IGSF22: variants seen among roughly 807,000 people sequenced by gnomAD.
IGSF22 encodes the protein immunoglobulin superfamily member 22.
Under a neutral mutation model 127.0 loss-of-function variants are expected in IGSF22, and 119 were observed. That is an observed-to-expected ratio of 0.94 (90% CI 0.81 to 1.09). The LOEUF (loss-of-function observed/expected upper bound fraction) is 1.09, where lower values mean the gene tolerates loss of function less well. Among genes scored for constraint, IGSF22 ranks in the 50% least tolerant of loss-of-function variants. The pLI is 0.00. For synonymous variants in IGSF22, 568 were observed against 664.7 expected (o/e 0.85, Z 2.24); for missense variants, 1,518 against 1,716.6 (o/e 0.88, Z 2.04).
chr11:18,713,895 A>C lies in IGSF22; in HGVS notation c.2052T>G (p.Asn684Lys). The change falls in exon 14 of 23, where the codon AAT (asparagine) becomes AAG (lysine). Residue 684 changes from asparagine to lysine, a missense_variant. By Grantham distance (94) the Asn-to-Lys change is moderately conservative. This residue lies in a region of IGSF22 where 1,456 missense variants were observed against 1,644.9 expected (regional missense o/e 0.89). Coordinates refer to ENST00000513874, the MANE Select transcript of IGSF22 (RefSeq NM_173588.4). ...GAGTGGCCGTGGCTGAGCCGTGGTC[A>C]TTCTTGAGCTTGAGCAGGATGAGGC... ...DSGLILLKLK[N>K]DHGSATATLH... The C allele has an allele frequency of 6.2e-7, 1 of 1,614,234 alleles. No homozygotes were observed. Among genetic ancestry groups the C allele is most frequent in the East Asian group, 2.2e-5 (1 of 44,880 alleles).
chr11:18,713,709 T>C, intron 14 of IGSF22, 143 bp downstream of exon 14: 1 of 683,348 alleles, frequency 1.5e-6, no homozygotes, highest in Non-Finnish European at 2.4e-6. Context: ...AGCGGGCTTC[T>C]GGCTGCAAAG....
At chr11:18,715,357 G>A (rs1848442318) in intron 11 of IGSF22, 75 bp downstream of exon 11, 3 of 1,460,038 alleles carry the variant, frequency 2.1e-6, no homozygotes, top group African/African-American at 1.4e-5. Flanking sequence ...TGGGAGGGGG[G>A]CAATTGATGT....
chr11:18,721,755 C>G (rs1848578477), intron 3 of IGSF22, 84 bp from the exon 4 acceptor site: 1 of 1,598,358 alleles, frequency 6.3e-7, no homozygotes, highest in Non-Finnish European at 8.5e-7. Flanking sequence ...CTGCCTCCTC[C>G]CAGACACCTG....
Position 18,715,472 on chromosome 11 carries a change from G to A in IGSF22, c.1491C>T (p.Asp497=). ...EYTVVAMQDG[D]PTEYYSTAIV... The stretch of plus-strand genomic sequence containing the variant: ...TGGCAGTACTGTAGTATTCAGTAGG[G>A]TCTCCATCCTGCATGGCCACCACAG... Residue 497 remains aspartate, a synonymous_variant, in exon 11 of 23, where the codon GAC becomes GAT. Coordinates refer to ENST00000513874, the MANE Select transcript of IGSF22 (RefSeq NM_173588.4). The A allele has an allele frequency of 6.2e-7, 1 of 1,613,520 alleles. No homozygotes were observed. Among genetic ancestry groups the A allele is most frequent in the Non-Finnish European group, 8.5e-7 (1 of 1,179,910 alleles).
rs367951342 is a variant in IGSF22, at chr11:18,714,432, G to A, written c.1657-14C>T. On this transcript the variant is annotated splice_polypyrimidine_tract_variant and intron_variant, in intron 12 of 22. Coordinates refer to ENST00000513874, the MANE Select transcript of IGSF22 (RefSeq NM_173588.4). The stretch of plus-strand genomic sequence containing the variant: ...CAAGTCCGTGATCTGGGGGTCAGGG[G>A]TGGGCCTGAGTGTGAGCATAGGCCA... 5 of 1,614,006 alleles carry A rather than the reference G, an allele frequency of 3.1e-6. No homozygotes were observed. Among genetic ancestry groups the A allele is most frequent in the Non-Finnish European group, 4.2e-6 (5 of 1,179,862 alleles).
rs1333012106 is a variant in IGSF22, at chr11:18,705,830, C to T, written c.3897G>A (p.Thr1299=). 4 of 1,546,998 alleles carry T rather than the reference C, an allele frequency of 2.6e-6. No individual in the cohort carries two copies. The highest frequency in any genetic ancestry group is 1.2e-5 in the South Asian group (1 of 83,926). Residue 1299 remains threonine, a synonymous_variant, in exon 22 of 23, where the codon ACG becomes ACA. Coordinates refer to ENST00000513874, the MANE Select transcript of IGSF22 (RefSeq NM_173588.4). ...NELGKDRSSC[T]LTVYDKDDKS... ...CGGCGCCCTCACCATAGACGGTGAG[C>T]GTGCAGCTGCTGCGGTCCTTGCCCA...
intron 11 of IGSF22, 31 bp from the exon 12 acceptor site, chr11:18,714,655 C>T (rs1378052294): frequency 1.2e-6 from 2 of 1,611,674 alleles, no homozygotes; most frequent in Non-Finnish European, 1.7e-6. Context: ...GGGACTGGCT[C>T]AGGATGTTGG....
Position 18,724,283 on chromosome 11 carries a change from T to G in IGSF22, c.-33-14A>C. 2 of 1,380,572 alleles carry G rather than the reference T, an allele frequency of 1.4e-6. No homozygotes were observed. Among genetic ancestry groups the G allele is most frequent in the Non-Finnish European group, 2.1e-6 (2 of 970,476 alleles). 85.5% of individuals were successfully genotyped at this position (1,380,572 alleles called of 1,614,324 possible). A position where few individuals can be genotyped will look rare whatever the true frequency, so the allele number is the denominator to read the frequency against. On this transcript the variant is annotated splice_polypyrimidine_tract_variant and intron_variant, in intron 1 of 22. Transcript: ENST00000513874. ...TCACCTGTGAGACTGGGGAAGAGGATGAGGCCATGAAGGACAAGACAGGGA... is the reference window on the plus strand; with the variant it reads ...TCACCTGTGAGACTGGGGAAGAGGAGGAGGCCATGAAGGACAAGACAGGGA...
At position 18,716,943 on chromosome 11, in the gene IGSF22, G is replaced by C. The variant is rs375519590; in HGVS notation, c.1031C>G (p.Thr344Arg). 6.2e-7 allele frequency: 1 copy of C among 1,614,174 alleles called. No individual in the cohort carries two copies. Among genetic ancestry groups the C allele is most frequent in the Admixed American group, 1.7e-5 (1 of 60,028 alleles). ...MKPVKVTERQ[T>R]AVFEIRLSKK... Reference sequence around the variant, plus strand: ...GGAGAGGCGGATCTCAAACACAGCTGTCTGGCGCTCTGTCACCTTCACAGG... The same window carrying C: ...GGAGAGGCGGATCTCAAACACAGCTCTCTGGCGCTCTGTCACCTTCACAGG... The change falls in exon 10 of 23, where the codon ACA (threonine) becomes AGA (arginine). Residue 344 changes from threonine (T) to arginine (R), a missense_variant. Thr to Arg is a moderately conservative substitution (Grantham distance 71). Transcript: ENST00000513874. This position sits in a 1 kb window ranked among gnomAD's most constrained non-coding sequence, Gnocchi z 4.5.
In IGSF22 at chr11:18,716,320, G is replaced by A. The variant is rs576003283; in HGVS notation, c.1246+408C>T. The stretch of plus-strand genomic sequence containing the variant: ...TCCATGTGATATAGATTCCAGGTGC[G>A]GTTCAGATGTGTGACATGCTCATTG... On this transcript the variant is annotated intron_variant, in intron 10 of 22. Transcript: ENST00000513874. This position sits in a 1 kb window ranked among gnomAD's most constrained non-coding sequence, Gnocchi z 4.5. 1.9e-4 allele frequency among the ~76,000 whole-genome samples: 29 copies of A among 152,216 alleles called. No homozygotes were observed. The highest frequency in any genetic ancestry group is 1.5e-3 in the South Asian group (7 of 4,816).
chr11:18,719,966 T>A (rs1474989431), intron 6 of IGSF22, 73 bp from the exon 7 acceptor site: 40 of 1,608,872 alleles, frequency 2.5e-5, no homozygotes, highest in Admixed American at 1.3e-4. Context: ...CCCTACTCCA[T>A]GGATTCTTGG....
In IGSF22 at chr11:18,705,823, C is replaced by G; in HGVS notation, c.3904G>C (p.Val1302Leu). ...GACCCCGCGGCGCCCTCACCATAGA[C>G]GGTGAGCGTGCAGCTGCTGCGGTCC... ...GKDRSSCTLT[V>L]YDKDDKSVVA... Residue 1302 changes from valine (V) to leucine (L), a missense_variant, in exon 22 of 23, where the codon GTC becomes CTC. Physicochemically the swap from Val to Leu is conservative, Grantham distance 32 (BLOSUM62 1). Transcript: ENST00000513874. 6.5e-7 allele frequency: 1 copy of G among 1,545,414 alleles called. No homozygotes were observed. The highest frequency in any genetic ancestry group is 1.4e-5 in the African/African-American group (1 of 73,116).
In IGSF22 at chr11:18,718,604, G is replaced by A; in HGVS notation, c.810+11C>T. ...TATTGCCAAGGTGGACCCTGGCTAG[G>A]CATCCCCCACCTTGATCCATATCAT... On this transcript the variant is annotated intron_variant, in intron 8 of 22. Transcript: ENST00000513874. 1.3e-6 allele frequency: 2 copies of A among 1,497,898 alleles called. No homozygotes were observed. The highest frequency in any genetic ancestry group is 1.1e-5 in the South Asian group (1 of 88,914). 92.8% of individuals were successfully genotyped at this position (1,497,898 alleles called of 1,614,324 possible). A position where few individuals can be genotyped will look rare whatever the true frequency, so the allele number is the denominator to read the frequency against.
chr11:18,708,183 A>C, intron 19 of IGSF22, 24 bp downstream of exon 19: 2 of 1,538,296 alleles, frequency 1.3e-6, no homozygotes, highest in Non-Finnish European at 1.8e-6. Context: ...CAGTGTATGG[A>C]GGTCAGGGTC....
At position 18,716,803 on chromosome 11, in the gene IGSF22, C is replaced by T; in HGVS notation, c.1171G>A (p.Ala391Thr). 1.2e-6 allele frequency: 2 copies of T among 1,614,220 alleles called. No individual in the cohort carries two copies. The highest frequency in any genetic ancestry group is 1.7e-6 in the Non-Finnish European group (2 of 1,180,036). Residue 391 changes from alanine to threonine, a missense_variant, in exon 10 of 23, where the codon GCC becomes ACC. By Grantham distance (58) the Ala-to-Thr change is moderately conservative. Transcript: ENST00000513874. The surrounding 1 kb of genome is among the most constrained non-coding windows in gnomAD (Gnocchi z 4.5). The part of the protein sequence containing the change: ...GLTHTLKIKD[A>T]RLSDSGEFSA... ...AACTCGCCGCTGTCACTGAGTCTGGCATCCTTAATCTTAAGCGTGTGCGTC... is the reference window on the plus strand; with the variant it reads ...AACTCGCCGCTGTCACTGAGTCTGGTATCCTTAATCTTAAGCGTGTGCGTC...
chr11:18,712,308 G>C lies in IGSF22; in HGVS notation c.2172C>G (p.Ala724=). 1.3e-6 allele frequency: 2 copies of C among 1,551,612 alleles called. No individual in the cohort carries two copies. Among genetic ancestry groups the C allele is most frequent in the Non-Finnish European group, 1.7e-6 (2 of 1,146,988 alleles). Residue 724 remains alanine (A), a synonymous_variant, in exon 15 of 23, where the codon GCC becomes GCG. Transcript: ENST00000513874. ...SGSCVHMKWK[A]PKDNGGRPVT... ...CAGGTCGTCCACCATTGTCCTTTGG[G>C]GCCTTCCACTTCATGTGCACACAAC... is the stretch of plus-strand genomic sequence containing the variant.
rs188506717 is a variant in IGSF22 at position 18,711,181 on chromosome 11, C to A, written c.2399-353G>T. Among the ~76,000 whole-genome samples, 213 of 152,240 alleles carry A rather than the reference C, an allele frequency of 1.4e-3. 1 individual carries two copies. Among genetic ancestry groups the A allele is most frequent in the Admixed American group, 0.01 (160 of 15,296 alleles). On this transcript the variant is annotated intron_variant, in intron 15 of 22. Transcript: ENST00000513874. ...CACTGACAACAACTAGTGTCTGGGTCCTGCCTACCCATATTCTATGCCTGG... is the reference window on the plus strand; with the variant it reads ...CACTGACAACAACTAGTGTCTGGGTACTGCCTACCCATATTCTATGCCTGG...
chr11:18,704,986 A>G (rs898222049), intron 22 of IGSF22, among the ~76,000 whole-genome samples: 1 of 152,228 alleles, frequency 6.6e-6, no homozygotes, highest in Non-Finnish European at 1.5e-5. Flanking sequence ...ATATTGTCTC[A>G]GTGCCAGACA....
rs376636436 is a variant in IGSF22 at position 18,714,605 on chromosome 11, C to T, written c.1551G>A (p.Lys517=). The T allele has an allele frequency of 1.3e-5, 21 of 1,614,052 alleles. No individual in the cohort carries two copies. Among genetic ancestry groups the T allele is most frequent in the Non-Finnish European group, 1.7e-5 (20 of 1,180,058 alleles). The change falls in exon 12 of 23, where the codon AAG becomes AAA. Residue 517 remains lysine (K), a synonymous_variant. Coordinates refer to ENST00000513874, the MANE Select transcript of IGSF22 (RefSeq NM_173588.4). Reference sequence around the variant, plus strand: ...CCGCGTGCACGTCGGACATCCCGCTCTTCACTGTGGCCAGACGCTCTGGGG... The same window carrying T: ...CCGCGTGCACGTCGGACATCCCGCTTTTCACTGTGGCCAGACGCTCTGGGG... The part of the protein sequence containing the change: ...VTVEERLATV[K]SGMSDVHAAT...
Sources: allele counts gnomAD v4.1 joint callset (sites outside exome capture counted in the v4.1 genomes callset), GRCh38; gene constraint gnomAD v4.1.1; regional missense constraint gnomAD v4.1.1; non-coding constraint Gnocchi (gnomAD v3.1); transcripts MANE v1.5; gene names NCBI Gene and HGNC (gene_info 2026-07-23, HGNC 2026-07-21).